Variants in TMEM120B observed in about 807,000 individuals in gnomAD.
TMEM120B encodes the protein transmembrane protein 120B.
A neutral mutation model predicts 55.5 loss-of-function variants in TMEM120B; 31 were observed. That is an observed-to-expected ratio of 0.56 (90% CI 0.42 to 0.75). The LOEUF (loss-of-function observed/expected upper bound fraction) is 0.75. Ranked by LOEUF, TMEM120B falls within the 30% of genes least tolerant of loss-of-function variation. The probability of loss-of-function intolerance (pLI) is 0.00; values close to 1 mark genes in which losing one functional copy is unlikely to be tolerated. For missense variants in TMEM120B, 399 were observed against 425.5 expected (o/e 0.94, Z 0.55); for synonymous variants, 203 against 176.3 (o/e 1.15, Z -1.20).
rs1412889585 is a variant in TMEM120B at position 121,752,435 on chromosome 12, A to G, written c.461+212A>G. On this transcript the variant is annotated intron_variant, in intron 5 of 11. Coordinates refer to ENST00000449592, the MANE Select transcript of TMEM120B (RefSeq NM_001080825.2). Reference sequence around the variant, plus strand: ...AAGTATCTGTTAAACGGCTGCTGGAAAGGCCTTGTACTGTACTAGTTAAGA... The same window carrying G: ...AAGTATCTGTTAAACGGCTGCTGGAGAGGCCTTGTACTGTACTAGTTAAGA... Among the ~76,000 whole-genome samples, 4 of 152,144 alleles carry G rather than the reference A, an allele frequency of 2.6e-5. 1 individual carries two copies. In the East Asian group the frequency reaches 7.7e-4, roughly 29 times the overall value.
In TMEM120B at chr12:121,781,160, A is replaced by T. The variant is rs573735007; in HGVS notation, c.*5438A>T. ...AGCACGAGGTGGGTGTTCTGGTAGG[A>T]CAGGGGCCGCAGCCGGTCATAGTCT... On this transcript the variant is annotated 3_prime_UTR_variant, in exon 12 of 12. Coordinates refer to ENST00000449592, the MANE Select transcript of TMEM120B (RefSeq NM_001080825.2). 1 of 1,614,190 alleles carries T rather than the reference A, an allele frequency of 6.2e-7. No homozygotes were observed. Among genetic ancestry groups the T allele is most frequent in the Non-Finnish European group, 8.5e-7 (1 of 1,180,034 alleles).
chr12:121,746,521 C>T (rs567076096), intron 2 of TMEM120B, among the ~76,000 whole-genome samples: 30 of 152,046 alleles, frequency 2.0e-4, no homozygotes, highest in African/African-American at 6.5e-4. Context: ...TTTATAGAGA[C>T]GGGGTCTTGC....
chr12:121,740,868 G>C (rs1419327684), intron 1 of TMEM120B, among the ~76,000 whole-genome samples: 1 of 152,124 alleles, frequency 6.6e-6, no homozygotes, highest in Non-Finnish European at 1.5e-5. Flanking sequence ...ACTGGAGTGG[G>C]CAAATCTTTT....
At chr12:121,759,293 G>A (rs1293401398) in intron 5 of TMEM120B, among the ~76,000 whole-genome samples, 3 of 152,054 alleles carry the variant, frequency 2.0e-5, no homozygotes, top group Admixed American at 6.6e-5. Context: ...GGTCTGCAGC[G>A]ACCTCCATTC....
intron 1 of TMEM120B, among the ~76,000 whole-genome samples, chr12:121,714,823 G>A (rs1280815572): frequency 6.6e-6 from 1 of 151,644 alleles, no homozygotes; most frequent in Non-Finnish European, 1.5e-5. Flanking sequence ...GCCTCCCAAA[G>A]TGCTGGGATT....
rs755470321 is a variant in TMEM120B, at chr12:121,712,899, T to C, written c.4T>C (p.Ser2Pro). The part of the protein sequence containing the change: M[S>P]GQLERCEREW... ...CGCCGCCTTGCACCATCGCATCATGTCCGGGCAGCTGGAGCGTTGCGAGCG... is the reference window on the plus strand; with the variant it reads ...CGCCGCCTTGCACCATCGCATCATGCCCGGGCAGCTGGAGCGTTGCGAGCG... Residue 2 changes from serine (S) to proline (P), a missense_variant, in exon 1 of 12, where the codon TCC becomes CCC. Physicochemically the swap from Ser to Pro is moderately conservative, Grantham distance 74. Around this residue, in one of 3 missense-constraint regions of TMEM120B, gnomAD observed 6 missense variants for 17.6 expected, o/e 0.34. Coordinates refer to ENST00000449592, the MANE Select transcript of TMEM120B (RefSeq NM_001080825.2). 2.0e-6 allele frequency: 3 copies of C among 1,529,914 alleles called. No homozygotes were observed. The highest frequency in any genetic ancestry group is 2.6e-6 in the Non-Finnish European group (3 of 1,145,514). The allele number at this position is 1,529,914 out of a possible 1,614,324, so 94.8% of individuals were successfully genotyped here. A position where few individuals can be genotyped will look rare whatever the true frequency, so the allele number is the denominator to read the frequency against.
intron 2 of TMEM120B, among the ~76,000 whole-genome samples, chr12:121,744,386 A>G (rs762416915): frequency 2.0e-5 from 3 of 152,196 alleles, no homozygotes; most frequent in Non-Finnish European, 4.4e-5. Context: ...GGATGGCCAC[A>G]TGGGTGATGG....
rs775999738 is a variant in TMEM120B at position 121,775,640 on chromosome 12, T to G, written c.938T>G (p.Leu313Arg). The G allele has an allele frequency of 4.3e-6, 7 of 1,613,898 alleles. No homozygotes were observed. Among genetic ancestry groups the G allele is most frequent in the African/African-American group, 1.3e-5 (1 of 74,900 alleles). ...GTACTGGCGTTCACCTTCCTCATCC[T>G]CTTCCTCGGCAACTTCCTGACCACG... ...VFVLAFTFLI[L>R]FLGNFLTTLK... Residue 313 changes from leucine to arginine, a missense_variant, in exon 12 of 12, where the codon CTC becomes CGC. By Grantham distance (102) the Leu-to-Arg change is moderately radical. This residue lies in a region of TMEM120B where 260 missense variants were observed against 303.9 expected (regional missense o/e 0.86). Coordinates refer to ENST00000449592, the MANE Select transcript of TMEM120B (RefSeq NM_001080825.2). The surrounding 1 kb of genome is among the most constrained non-coding windows in gnomAD (Gnocchi z 4.3).
intron 6 of TMEM120B, among the ~76,000 whole-genome samples, chr12:121,769,110 C>T (rs1873940390): frequency 6.8e-6 from 1 of 148,102 alleles, no homozygotes; most frequent in Non-Finnish European, 1.5e-5. Context: ...TGTGCCATTG[C>T]ACTCCAGCCT....
chr12:121,766,110 G>T (rs900926745), intron 6 of TMEM120B, among the ~76,000 whole-genome samples: 1 of 152,180 alleles, frequency 6.6e-6, no homozygotes, highest in Non-Finnish European at 1.5e-5. Context: ...CTGGGGGCCT[G>T]CTGCCCTGTT....
In TMEM120B at chr12:121,771,480, C is replaced by T. The variant is rs748642126; in HGVS notation, c.618-8C>T. 1.9e-6 allele frequency: 3 copies of T among 1,613,546 alleles called. No homozygotes were observed. ...CCCCACCTTTGTTTTTTCCTACCTT[C>T]TCTCCAGGCCTAATGGACCCATTTA... is the stretch of plus-strand genomic sequence containing the variant. On this transcript the variant is annotated splice_region_variant and splice_polypyrimidine_tract_variant and intron_variant, in intron 7 of 11. Coordinates refer to ENST00000449592, the MANE Select transcript of TMEM120B (RefSeq NM_001080825.2).
At chr12:121,726,647 A>AT (rs1052259802) in intron 1 of TMEM120B, among the ~76,000 whole-genome samples, 51 of 151,196 alleles carry the variant, frequency 3.4e-4, no homozygotes, top group African/African-American at 1.2e-3. Context: ...ATTCATGCCT[A>AT]TAATCCCAGC....
intron 5 of TMEM120B, among the ~76,000 whole-genome samples, chr12:121,759,382 A>G (rs1873595064): frequency 1.3e-5 from 2 of 152,066 alleles, no homozygotes; most frequent in South Asian, 4.1e-4. Context: ...GAGTGAAAGT[A>G]TATTAAAAAG....
intron 5 of TMEM120B, among the ~76,000 whole-genome samples, chr12:121,753,849 A>G (rs1316079466): frequency 2.0e-5 from 3 of 152,214 alleles, no homozygotes; most frequent in African/African-American, 4.8e-5. Context: ...GGCTGTGACA[A>G]TTCAGGGAGC....
At chr12:121,742,066 G>T (rs1872947912) in intron 1 of TMEM120B, among the ~76,000 whole-genome samples, 1 of 147,976 alleles carries the variant, frequency 6.8e-6, no homozygotes, top group South Asian at 2.2e-4. Context: ...GCCGTGGCAC[G>T]ATCTCAGCTC....
At chr12:121,744,878 T>A (rs1873036031) in intron 2 of TMEM120B, among the ~76,000 whole-genome samples, 1 of 151,898 alleles carries the variant, frequency 6.6e-6, no homozygotes, top group Non-Finnish European at 1.5e-5. Context: ...GGGTAGAGAG[T>A]GTGGATGGCC....
At chr12:121,762,157 T>C (rs1873700183) in intron 6 of TMEM120B, among the ~76,000 whole-genome samples, 1 of 151,472 alleles carries the variant, frequency 6.6e-6, no homozygotes, top group Non-Finnish European at 1.5e-5. Flanking sequence ...CCGGGTGTGG[T>C]CCCAGCTACT....
At chr12:121,714,332 C>G (rs1052586165) in intron 1 of TMEM120B, among the ~76,000 whole-genome samples, 21 of 152,126 alleles carry the variant, frequency 1.4e-4, no homozygotes, top group Non-Finnish European at 2.2e-4. Flanking sequence ...TCTCGGCTTA[C>G]TACAGCCTCC....
intron 1 of TMEM120B, among the ~76,000 whole-genome samples, chr12:121,736,607 T>G (rs1895121735): frequency 6.6e-6 from 1 of 152,036 alleles, no homozygotes; most frequent in African/African-American, 2.4e-5. Flanking sequence ...TGGAGCGCAG[T>G]GGCACACTCT....
Sources: allele counts gnomAD v4.1 joint callset (sites outside exome capture counted in the v4.1 genomes callset), GRCh38; gene constraint gnomAD v4.1.1; regional missense constraint gnomAD v4.1.1; non-coding constraint Gnocchi (gnomAD v3.1); transcripts MANE v1.5; gene names NCBI Gene and HGNC (gene_info 2026-07-23, HGNC 2026-07-21).